The following DYNC2H1 variants were observed in gnomAD, a reference collection of about 807,000 sequenced individuals.
The protein encoded by DYNC2H1 is dynein cytoplasmic 2 heavy chain 1, also known as cytoplasmic dynein 2 heavy chain 1.
In DYNC2H1, 410 loss-of-function variants were observed where a neutral mutation model predicts 570.0. The ratio of observed to expected loss-of-function variants is 0.72; its 90% confidence interval spans 0.66 to 0.78. DYNC2H1 has a LOEUF of 0.78. Ranked by LOEUF, DYNC2H1 falls within the 30% of genes least tolerant of loss-of-function variation. The pLI is 0.00. For missense variants in DYNC2H1, 4,865 were observed against 5,046.4 expected (o/e 0.96, Z 1.09); for synonymous variants, 1,688 against 1,677.6 (o/e 1.01, Z -0.15).
rs770760731 is a variant in DYNC2H1 at position 103,170,295 on chromosome 11, A to G, written c.5151+5A>G. 2 of 1,555,366 alleles carry G rather than the reference A, an allele frequency of 1.3e-6. No individual in the cohort carries two copies. Among genetic ancestry groups the G allele is most frequent in the Admixed American group, 2.1e-5 (1 of 47,748 alleles). On this transcript the variant is annotated splice_donor_5th_base_variant and intron_variant, in intron 33 of 88. Coordinates refer to ENST00000375735, the MANE Select transcript of DYNC2H1 (RefSeq NM_001377.3). The surrounding 1 kb of genome is among the most constrained non-coding windows in gnomAD (Gnocchi z 4.8). ...TTAGTCTTTAATTGTGATGAGGTAGAATAAATAATTATCAAAATATGTAAC... is the reference window on the plus strand; with the variant it reads ...TTAGTCTTTAATTGTGATGAGGTAGGATAAATAATTATCAAAATATGTAAC...
rs759752357 is a variant in DYNC2H1, at chr11:103,199,359, T to C, written c.7971T>C (p.Ser2657=). The change falls in exon 49 of 89, where the codon AGT becomes AGC. Residue 2657 remains serine (S), a synonymous_variant. Transcript: ENST00000375735. The surrounding 1 kb of genome is among the most constrained non-coding windows in gnomAD (Gnocchi z 4.6). ...GTTCACTTCTATTAGCAGGACGCAG[T>C]GGTGTAGGTCGTCGGACCATCACTT... ...PGGSLLLAGR[S]GVGRRTITSL... The C allele has an allele frequency of 3.1e-6, 5 of 1,612,538 alleles. No homozygotes were observed. Among genetic ancestry groups the C allele is most frequent in the Non-Finnish European group, 4.2e-6 (5 of 1,179,694 alleles).
intron 83 of DYNC2H1, among the ~76,000 whole-genome samples, chr11:103,384,242 T>C (rs1941786576): frequency 6.6e-6 from 1 of 152,184 alleles, no homozygotes; most frequent in Admixed American, 6.6e-5. Flanking sequence ...TATCTCTTCT[T>C]GATATATTGA....
chr11:103,317,934 T>C (rs1937951947), intron 80 of DYNC2H1, among the ~76,000 whole-genome samples: 1 of 152,144 alleles, frequency 6.6e-6, no homozygotes, highest in Admixed American at 6.6e-5. Context: ...GCATTATCTA[T>C]TTTAAAGTAA....
chr11:103,459,225 C>G (rs1422229423), intron 87 of DYNC2H1, among the ~76,000 whole-genome samples: 1 of 134,658 alleles, frequency 7.4e-6, no homozygotes, highest in Non-Finnish European at 1.6e-5. Flanking sequence ...AGGAGAATGG[C>G]GTGAACCCGG....
chr11:103,286,340 A>G lies in DYNC2H1; in HGVS notation c.10976A>G (p.Gln3659Arg), dbSNP rs1565463807. The G allele has an allele frequency of 6.2e-7, 1 of 1,613,742 alleles. No individual in the cohort carries two copies. Among genetic ancestry groups the G allele is most frequent in the Non-Finnish European group, 8.5e-7 (1 of 1,179,784 alleles). ...TATTATAATAATTCAATGTGTGAGC[A>G]AGAGTTTCCATCTATCCTTGCAAAG... ...RTYYNNSMCEQEFPSILAKKV... is the reference protein window; with the variant it reads ...RTYYNNSMCEREFPSILAKKV... Residue 3659 changes from glutamine to arginine, a missense_variant, in exon 74 of 89, where the codon CAA (glutamine) becomes CGA (arginine). Gln to Arg is a conservative substitution (Grantham distance 43). Coordinates refer to ENST00000375735, the MANE Select transcript of DYNC2H1 (RefSeq NM_001377.3).
At chr11:103,475,519 C>T (rs972545107) in intron 88 of DYNC2H1, among the ~76,000 whole-genome samples, 1 of 152,204 alleles carries the variant, frequency 6.6e-6, no homozygotes, top group Admixed American at 6.5e-5. Context: ...AATACTTGTC[C>T]CTGCTTCTAC....
chr11:103,278,633 C>A (rs1449003477), intron 70 of DYNC2H1, among the ~76,000 whole-genome samples: 1 of 151,934 alleles, frequency 6.6e-6, no homozygotes, highest in African/African-American at 2.4e-5. Flanking sequence ...ATGGGGAGAT[C>A]TTGGCTCACT....
At chr11:103,230,263 C>T (rs997765458) in intron 59 of DYNC2H1, among the ~76,000 whole-genome samples, 1 of 152,116 alleles carries the variant, frequency 6.6e-6, no homozygotes, top group Non-Finnish European at 1.5e-5. Flanking sequence ...AGTTATTAAT[C>T]GTGAGTTTTA....
rs1054461501 is a variant in DYNC2H1, at chr11:103,290,195, TG to T, written c.11095+2596del. 7.2e-5 allele frequency among the ~76,000 whole-genome samples: 11 copies of T among 152,138 alleles called. 1 individual carries two copies. Among genetic ancestry groups the T allele is most frequent in the African/African-American group, 2.4e-5 (1 of 41,510 alleles). ...CTTCAACATATCTTTTTTTTTGGGTTGGGGGGAGACACAATTTAACCCATAA... is the reference window on the plus strand; with the variant it reads ...CTTCAACATATCTTTTTTTTTGGGTTGGGGGAGACACAATTTAACCCATAA... On this transcript the variant is annotated intron_variant, in intron 75 of 88. Transcript: ENST00000375735.
At chr11:103,136,096 A>G (rs1486702611) in intron 17 of DYNC2H1, 148 bp downstream of exon 17, 7 of 616,434 alleles carry the variant, frequency 1.1e-5, no homozygotes, top group Non-Finnish European at 1.7e-5. Context: ...AGATACTTAT[A>G]CAACCTAGAT....
intron 82 of DYNC2H1, among the ~76,000 whole-genome samples, chr11:103,348,367 T>C (rs530668357): frequency 5.1e-4 from 77 of 152,330 alleles, no homozygotes; most frequent in African/African-American, 1.8e-3. Flanking sequence ...TTTTGAAATA[T>C]GCATATACTT....
chr11:103,204,939 GT>G lies in DYNC2H1; in HGVS notation c.8431del (p.Trp2811GlyfsTer6). 1 of 1,590,740 alleles carries G rather than the reference GT, an allele frequency of 6.3e-7. No individual in the cohort carries two copies. The highest frequency in any genetic ancestry group is 8.6e-7 in the Non-Finnish European group (1 of 1,167,278). Reference protein sequence around the residue: ...HKKCQVLWMEGWSNSSMKKIP... With the variant: ...HKKCQVLWMEXWSNSSMKKIP... ...AAATGCCAGGTGTTGTGGATGGAGG[GT>G]TGGTCCAATAGCAGTATGAAGAAAG... On this transcript the variant is annotated frameshift_variant, in exon 52 of 89. Transcript: ENST00000375735. LOFTEE classifies it high-confidence loss of function. This position sits in a 1 kb window ranked among gnomAD's most constrained non-coding sequence, Gnocchi z 4.1.
intron 85 of DYNC2H1, 151 bp from the exon 86 acceptor site, chr11:103,455,035 C>T (rs1218229394): frequency 1.9e-6 from 1 of 528,774 alleles, no homozygotes; most frequent in African/African-American, 1.9e-5. Context: ...CCAGACTTTA[C>T]AATGTAAAAT....
chr11:103,438,276 T>G (rs1004023665), intron 85 of DYNC2H1, among the ~76,000 whole-genome samples: 1 of 152,136 alleles, frequency 6.6e-6, no homozygotes, highest in African/African-American at 2.4e-5. Flanking sequence ...ATTTGGGATT[T>G]GCTTTTCATC....
At chr11:103,468,155 C>T (rs1156475891) in intron 87 of DYNC2H1, among the ~76,000 whole-genome samples, 1 of 152,110 alleles carries the variant, frequency 6.6e-6, no homozygotes, top group Non-Finnish European at 1.5e-5. Flanking sequence ...TATCACATGT[C>T]GTTTTTTTCA....
intron 84 of DYNC2H1, chr11:103,407,256 G>T (rs11225773): frequency 0.51 from 77,538 of 151,576 alleles, 20,153 homozygotes; most frequent in African/African-American, 0.62. Flanking sequence ...ACAGGAAGGA[G>T]ATAACCAGCA....
intron 84 of DYNC2H1, among the ~76,000 whole-genome samples, chr11:103,421,367 T>C (rs1943482463): frequency 6.6e-6 from 1 of 152,116 alleles, no homozygotes; most frequent in African/African-American, 2.4e-5. Flanking sequence ...TAGATATCTA[T>C]ACGACTCTCC....
At chr11:103,414,439 T>TG (rs1479557078) in intron 84 of DYNC2H1, among the ~76,000 whole-genome samples, 1 of 152,028 alleles carries the variant, frequency 6.6e-6, no homozygotes, top group African/African-American at 2.4e-5. Flanking sequence ...ACCAACATGG[T>TG]GAAACCCTGT....
chr11:103,111,790 A>T (rs917631123), intron 1 of DYNC2H1, among the ~76,000 whole-genome samples: 5 of 152,112 alleles, frequency 3.3e-5, no homozygotes, highest in African/African-American at 9.7e-5. Flanking sequence ...ATATTTGAAA[A>T]TATTTTGTTA....
Sources: gnomAD v4.1 joint callset for allele counts (sites outside exome capture counted in the v4.1 genomes callset) on GRCh38, gnomAD v4.1.1 for gene constraint, Gnocchi (gnomAD v3.1) non-coding constraint, MANE v1.5 for transcripts, NCBI Gene and HGNC (gene_info 2026-07-23, HGNC 2026-07-21) for gene names.